UBAP2: variants seen among roughly 807,000 people sequenced by gnomAD.
UBAP2 encodes ubiquitin-associated protein 2.
A neutral mutation model predicts 139.6 loss-of-function variants in UBAP2; 75 were observed. That is an observed-to-expected ratio of 0.54 (90% CI 0.45 to 0.65). UBAP2 has a LOEUF of 0.65. Ranked by LOEUF, UBAP2 falls within the 30% of genes least tolerant of loss-of-function variation. UBAP2 has a pLI of 0.00. For missense variants in UBAP2, 1,368 were observed against 1,369.6 expected, an observed-to-expected ratio of 1.00 and a Z score of 0.02; for synonymous variants, 526 against 526.2, an observed-to-expected ratio of 1.00 and a Z score of 0.01.
At chr9:34,006,320 C>G (rs1465318067) in intron 2 of UBAP2, among the ~76,000 whole-genome samples, 1 of 149,576 alleles carries the variant, frequency 6.7e-6, no homozygotes, top group African/African-American at 2.4e-5. Flanking sequence ...TCAAGAGACA[C>G]AGAAGAGAAT....
chr9:34,040,950 C>A (rs542919937), intron 1 of UBAP2, among the ~76,000 whole-genome samples: 1 of 152,162 alleles, frequency 6.6e-6, no homozygotes, highest in Non-Finnish European at 1.5e-5. Flanking sequence ...GTAAAAGTTA[C>A]ACATACCCTA....
At chr9:34,016,534 T>C (rs950426817) in intron 2 of UBAP2, among the ~76,000 whole-genome samples, 1 of 151,858 alleles carries the variant, frequency 6.6e-6, no homozygotes, top group African/African-American at 2.4e-5. Flanking sequence ...TATTCTTCAT[T>C]ACCTACTTTT....
intron 6 of UBAP2, among the ~76,000 whole-genome samples, chr9:33,980,860 T>C (rs1010946991): frequency 3.3e-5 from 5 of 151,002 alleles, no homozygotes; most frequent in African/African-American, 4.9e-5. Flanking sequence ...GGTGGGAAGA[T>C]GGCTTGAGCC....
At chr9:34,041,218 C>T (rs891200872) in intron 1 of UBAP2, among the ~76,000 whole-genome samples, 3 of 151,288 alleles carry the variant, frequency 2.0e-5, no homozygotes, top group African/African-American at 7.3e-5. Context: ...TTTGGGAGGC[C>T]GAGGTGGGCA....
chr9:33,988,782 G>C (rs1358559169), intron 5 of UBAP2, among the ~76,000 whole-genome samples, 191 bp downstream of exon 5: 1 of 152,208 alleles, frequency 6.6e-6, no homozygotes, highest in Non-Finnish European at 1.5e-5. Context: ...ATTCTGCATT[G>C]AGGAAACGAA....
At chr9:33,975,753 G>A (rs1828284624) in intron 6 of UBAP2, among the ~76,000 whole-genome samples, 1 of 142,834 alleles carries the variant, frequency 7.0e-6, no homozygotes, top group African/African-American at 2.6e-5. Context: ...AGTGAGCCGA[G>A]ATCACAACAC....
chr9:34,003,199 A>AT (rs1287871311), intron 2 of UBAP2, among the ~76,000 whole-genome samples: 1 of 150,780 alleles, frequency 6.6e-6, no homozygotes, highest in East Asian at 2.0e-4. Flanking sequence ...CGCCCTGCTA[A>AT]TTTTTGGTTT....
At chr9:34,003,555 G>GCCA (rs1288605263) in intron 2 of UBAP2, among the ~76,000 whole-genome samples, 2 of 151,668 alleles carry the variant, frequency 1.3e-5, no homozygotes, top group African/African-American at 4.8e-5. Context: ...ACAGGTGTTC[G>GCCA]CCACCACACC....
At chr9:33,947,833 A>T (rs917456351) in intron 13 of UBAP2, among the ~76,000 whole-genome samples, 4 of 151,816 alleles carry the variant, frequency 2.6e-5, no homozygotes, top group Admixed American at 1.3e-4. Context: ...TCAAAAAAAA[A>T]AAAAATAAAA....
intron 11 of UBAP2, among the ~76,000 whole-genome samples, chr9:33,954,007 A>C (rs950942443): frequency 6.6e-6 from 1 of 151,970 alleles, no homozygotes; most frequent in Non-Finnish European, 1.5e-5. Flanking sequence ...CCCAGGCTTA[A>C]GCGATTCTCG....
intron 1 of UBAP2, among the ~76,000 whole-genome samples, chr9:34,039,144 T>C (rs1826784721): frequency 6.9e-6 from 1 of 144,748 alleles, no homozygotes; most frequent in Admixed American, 6.9e-5. Flanking sequence ...GTCTGGGAGG[T>C]GGGGGGCAGC....
At chr9:34,020,064 G>GC (rs142423499) in intron 1 of UBAP2, among the ~76,000 whole-genome samples, 11,860 of 150,392 alleles carry the variant, frequency 0.079, 668 homozygotes, top group Non-Finnish European at 0.12. Flanking sequence ...GGAGGCTGAA[G>GC]CAGGATAATT....
At chr9:33,953,533 T>C (rs560460995) in intron 11 of UBAP2, 59 bp from the exon 12 acceptor site, 4 of 1,506,692 alleles carry the variant, frequency 2.7e-6, no homozygotes, top group Admixed American at 4.0e-5. Flanking sequence ...AACAAATGAA[T>C]GTGAGAAGTC....
Position 33,948,407 on chromosome 9 carries a change from G to A in UBAP2, c.1237C>T (p.Pro413Ser), listed in dbSNP as rs760396339. 2 of 1,613,182 alleles carry A rather than the reference G, an allele frequency of 1.2e-6. No individual in the cohort carries two copies. Among genetic ancestry groups the A allele is most frequent in the African/African-American group, 1.3e-5 (1 of 74,898 alleles). ...TTTTSWDLKP[P>S]TSQSSVLSHL... Reference sequence around the variant, plus strand: ...CTGAGGACTGAGGACTGGGATGTTGGGGGCTTGAGGTCCCAAGAAGTAGTA... The same window carrying A: ...CTGAGGACTGAGGACTGGGATGTTGAGGGCTTGAGGTCCCAAGAAGTAGTA... The change falls in exon 13 of 29, where the codon CCA becomes TCA. Residue 413 changes from proline (P) to serine (S), a missense_variant. Coordinates refer to ENST00000379238, the MANE Select transcript of UBAP2 (RefSeq NM_001370062.2).
In UBAP2 at chr9:34,039,459, T is replaced by C. The variant is rs1391815013; in HGVS notation, c.-42+9366A>G. On this transcript the variant is annotated intron_variant, in intron 1 of 28. Transcript: ENST00000379238. ...TAGAGAAATCAGATTGTTGCTGTGT[T>C]TGTGTAGAAAGAAGTAGACATAGGA... 2.1e-4 allele frequency among the ~76,000 whole-genome samples: 32 copies of C among 152,236 alleles called. No individual in the cohort carries two copies. In the East Asian group the frequency reaches 5.8e-3, roughly 28 times the overall value.
intron 12 of UBAP2, among the ~76,000 whole-genome samples, chr9:33,949,657 C>T (rs559430018): frequency 6.6e-5 from 10 of 151,070 alleles, no homozygotes; most frequent in Non-Finnish European, 1.0e-4. Flanking sequence ...AAGGTGAGAT[C>T]GCACCACTGC....
intron 16 of UBAP2, chr9:33,938,833 A>G (rs1824828393): frequency 4.8e-6 from 2 of 412,438 alleles, no homozygotes; most frequent in South Asian, 3.5e-5. Flanking sequence ...TGAAATTTCC[A>G]TAGTTCACAT....
intron 9 of UBAP2, among the ~76,000 whole-genome samples, chr9:33,962,576 G>A (rs1022401737): frequency 6.6e-6 from 1 of 151,936 alleles, no homozygotes; most frequent in Non-Finnish European, 1.5e-5. Flanking sequence ...AACCCAGGAG[G>A]CGGAGGTTGC....
At chr9:33,936,315 G>C (rs565107840) in intron 16 of UBAP2, among the ~76,000 whole-genome samples, 2 of 152,110 alleles carry the variant, frequency 1.3e-5, no homozygotes, top group East Asian at 3.9e-4. Context: ...AACTTTTTGA[G>C]ATGGTGTCTT....
Sources: allele counts gnomAD v4.1 joint callset (sites outside exome capture counted in the v4.1 genomes callset), GRCh38; gene constraint gnomAD v4.1.1; transcripts MANE v1.5; gene names NCBI Gene and HGNC (gene_info 2026-07-23, HGNC 2026-07-21).